Variants in XKR4 observed in about 807,000 individuals in gnomAD.
XKR4 encodes the protein XK-related protein 4.
A neutral mutation model predicts 53.9 loss-of-function variants in XKR4; 12 were observed. That is an observed-to-expected ratio of 0.22 (90% CI 0.14 to 0.36). The LOEUF (loss-of-function observed/expected upper bound fraction) is 0.36. Ranked by LOEUF, XKR4 falls within the 10% of genes least tolerant of loss-of-function variation. The pLI is 1.00. For missense variants in XKR4, 799 were observed against 859.5 expected (o/e 0.93, Z 0.88); for synonymous variants, 354 against 362.4 (o/e 0.98, Z 0.26).
chr8:55,103,871 A>G lies in XKR4; in HGVS notation c.806+577A>G, dbSNP rs1456788930. On this transcript the variant is annotated intron_variant, in intron 1 of 2. Transcript: ENST00000327381. ...ACTTTGTATATATATATATATATAT[A>G]TATATATATATATATATATATATCC... Among the ~76,000 whole-genome samples, 20 of 141,738 alleles carry G rather than the reference A, an allele frequency of 1.4e-4. 1 individual carries two copies. Among genetic ancestry groups the G allele is most frequent in the East Asian group, 4.2e-4 (2 of 4,792 alleles). The allele number at this position is 141,738 out of a possible 152,430, so 93.0% of individuals were successfully genotyped here. A position where few individuals can be genotyped will look rare whatever the true frequency, so the allele number is the denominator to read the frequency against.
intron 1 of XKR4, among the ~76,000 whole-genome samples, chr8:55,131,587 C>T (rs568811535): frequency 2.6e-5 from 4 of 152,304 alleles, no homozygotes; most frequent in Admixed American, 6.5e-5. Context: ...TTAGATGCCT[C>T]GCATTAGCAT....
intron 1 of XKR4, among the ~76,000 whole-genome samples, chr8:55,276,896 C>T (rs1170223516): frequency 1.3e-5 from 2 of 152,016 alleles, no homozygotes; most frequent in Admixed American, 6.5e-5. Flanking sequence ...GTCAGACAAA[C>T]GAAAAGATAA....
intron 2 of XKR4, among the ~76,000 whole-genome samples, chr8:55,447,665 G>A (rs1805366660): frequency 6.6e-6 from 1 of 152,158 alleles, no homozygotes; most frequent in Admixed American, 6.5e-5. Flanking sequence ...TCCCTTCACA[G>A]AAAAGAAACC....
intron 2 of XKR4, among the ~76,000 whole-genome samples, chr8:55,457,220 G>T (rs1369007503): frequency 6.9e-6 from 1 of 145,296 alleles, no homozygotes; most frequent in Admixed American, 7.4e-5. Context: ...TCTGCTCATT[G>T]CAAGTTCTGC....
chr8:55,494,569 A>T (rs1271910660), intron 2 of XKR4, among the ~76,000 whole-genome samples: 4 of 152,168 alleles, frequency 2.6e-5, no homozygotes, highest in South Asian at 2.1e-4. Flanking sequence ...CTCAGAGGAG[A>T]CCCAAAGTGG....
intron 1 of XKR4, among the ~76,000 whole-genome samples, chr8:55,172,614 G>A (rs58348276): frequency 0.016 from 2,391 of 152,224 alleles, 66 homozygotes; most frequent in African/African-American, 0.053. Flanking sequence ...TAAGTATAAG[G>A]TGGATAGCCA....
At chr8:55,431,563 G>A (rs902079139) in intron 2 of XKR4, among the ~76,000 whole-genome samples, 8 of 152,158 alleles carry the variant, frequency 5.3e-5, no homozygotes, top group African/African-American at 1.9e-4. Context: ...AGCATCAAAT[G>A]TATAAACCTG....
intron 2 of XKR4, among the ~76,000 whole-genome samples, chr8:55,387,082 G>A (rs78023992): frequency 1.3e-5 from 2 of 152,138 alleles, no homozygotes; most frequent in Non-Finnish European, 1.5e-5. Context: ...TTCCAGGTCC[G>A]CTTCTGTAGT....
intron 2 of XKR4, among the ~76,000 whole-genome samples, chr8:55,430,498 T>A (rs906594340): frequency 7.2e-5 from 11 of 152,216 alleles, no homozygotes; most frequent in Non-Finnish European, 1.5e-4. Context: ...GACGATTGGT[T>A]GCCAGAGGGT....
intron 1 of XKR4, among the ~76,000 whole-genome samples, chr8:55,288,588 T>G (rs753188404): frequency 6.6e-6 from 1 of 152,228 alleles, no homozygotes; most frequent in African/African-American, 2.4e-5. Flanking sequence ...AGCAAAGTGT[T>G]TTTAAAGCAA....
At chr8:55,425,454 T>TGAG (rs1804998261) in intron 2 of XKR4, among the ~76,000 whole-genome samples, 2 of 152,196 alleles carry the variant, frequency 1.3e-5, no homozygotes, top group African/African-American at 4.8e-5. Flanking sequence ...ACCCTCAGGC[T>TGAG]GATAATTATT....
chr8:55,521,036 G>C (rs1339511101), intron 2 of XKR4: 1 of 152,266 alleles, frequency 6.6e-6, no homozygotes, highest in Non-Finnish European at 1.5e-5. Flanking sequence ...TTTGGTTGGC[G>C]CGAGCCTGAC....
intron 1 of XKR4, chr8:55,142,349 C>T (rs1009086900): frequency 1.4e-5 from 5 of 361,680 alleles, no homozygotes; most frequent in African/African-American, 1.1e-4. Context: ...CCTACTTCCT[C>T]ATCCTGATTA....
At chr8:55,109,684 G>A (rs1369267853) in intron 1 of XKR4, among the ~76,000 whole-genome samples, 1 of 152,110 alleles carries the variant, frequency 6.6e-6, no homozygotes. Context: ...GAACTATGAA[G>A]TGTTTACTTC....
At chr8:55,283,845 C>T (rs1365302834) in intron 1 of XKR4, among the ~76,000 whole-genome samples, 2 of 152,182 alleles carry the variant, frequency 1.3e-5, no homozygotes, top group Non-Finnish European at 2.9e-5. Flanking sequence ...CAGCTCATTT[C>T]ACAATGATGC....
intron 1 of XKR4, among the ~76,000 whole-genome samples, chr8:55,121,255 A>G (rs573063247): frequency 1.1e-4 from 16 of 152,206 alleles, no homozygotes; most frequent in African/African-American, 3.6e-4. Context: ...GCTGGATTAT[A>G]TGGGAAGAGT....
At chr8:55,307,471 G>A in intron 1 of XKR4, among the ~76,000 whole-genome samples, 1 of 152,236 alleles carries the variant, frequency 6.6e-6, no homozygotes, top group Non-Finnish European at 1.5e-5. Flanking sequence ...GAGCAATATA[G>A]GGAGACACTA....
intron 2 of XKR4, among the ~76,000 whole-genome samples, chr8:55,396,519 C>G (rs1804521377): frequency 6.8e-6 from 1 of 146,440 alleles, no homozygotes; most frequent in African/African-American, 2.6e-5. Flanking sequence ...ACCAGAGTCC[C>G]CAAGGGATGG....
chr8:55,402,773 C>T (rs1350753559), intron 2 of XKR4, among the ~76,000 whole-genome samples: 1 of 152,122 alleles, frequency 6.6e-6, no homozygotes, highest in Non-Finnish European at 1.5e-5. Context: ...GTGAATCTTC[C>T]AGCAAGAGAA....
Sources: gnomAD v4.1 joint callset for allele counts (sites outside exome capture counted in the v4.1 genomes callset) on GRCh38, gnomAD v4.1.1 for gene constraint, MANE v1.5 for transcripts, NCBI Gene and HGNC (gene_info 2026-07-23, HGNC 2026-07-21) for gene names.